Variants in GLIS3 observed in about 807,000 individuals in gnomAD.
GLIS3 encodes the protein GLIS family zinc finger 3.
Under a neutral mutation model 78.6 loss-of-function variants are expected in GLIS3, and 53 were observed. The observed-to-expected ratio is 0.67, with a 90% CI of 0.54 to 0.85. The LOEUF (loss-of-function observed/expected upper bound fraction) is 0.85, where lower values mean the gene tolerates loss of function less well. Ranked by LOEUF, GLIS3 falls within the 40% of genes least tolerant of loss-of-function variation. GLIS3 has a pLI of 0.00. For synonymous variants in GLIS3, 684 were observed against 509.9 expected (o/e 1.34, Z -4.60); for missense variants, 1,703 against 1,231.1 (o/e 1.38, Z -5.74).
chr9:4,348,970 C>G (rs1045885142), upstream of GLIS3, among the ~76,000 whole-genome samples: 4 of 152,110 alleles, frequency 2.6e-5, no homozygotes, highest in African/African-American at 9.7e-5. Flanking sequence ...CATTTGTACT[C>G]AGCAAACATC....
intron 2 of GLIS3, among the ~76,000 whole-genome samples, chr9:4,250,892 G>C (rs1163430600): frequency 1.3e-5 from 2 of 152,164 alleles, no homozygotes; most frequent in African/African-American, 2.4e-5. Flanking sequence ...TCAGGAGCAG[G>C]TTGTTCAGTT....
At chr9:4,050,432 C>T (rs12352739) in intron 4 of GLIS3, among the ~76,000 whole-genome samples, 335 of 152,154 alleles carry the variant, frequency 2.2e-3, no homozygotes, top group African/African-American at 7.7e-3. Context: ...GAACATCACA[C>T]ACCAGGGCCT....
chr9:3,871,232 C>T (rs900443990), intron 8 of GLIS3, among the ~76,000 whole-genome samples: 3 of 152,160 alleles, frequency 2.0e-5, no homozygotes, highest in Non-Finnish European at 4.4e-5. Context: ...CAGCCTGCCT[C>T]CTGGTTGCTT....
intron 2 of GLIS3, among the ~76,000 whole-genome samples, chr9:4,130,619 G>A (rs1035592452): frequency 1.3e-5 from 2 of 152,218 alleles, no homozygotes; most frequent in Non-Finnish European, 2.9e-5. Flanking sequence ...GTAGGTGCAC[G>A]AAATGCAAGA....
At chr9:4,064,556 G>A (rs934514879) in intron 4 of GLIS3, among the ~76,000 whole-genome samples, 10 of 152,078 alleles carry the variant, frequency 6.6e-5, no homozygotes, top group Admixed American at 6.6e-5. Context: ...TCCCAAGGCC[G>A]AGGCAGGCAG....
In GLIS3 at chr9:4,159,030, G is replaced by GAAA. The variant is rs141412126; in HGVS notation, c.389-33090_389-33089insTTT. Among the ~76,000 whole-genome samples, 343 of 79,068 alleles carry GAAA rather than the reference G, an allele frequency of 4.3e-3. 78 individuals carry two copies. Among genetic ancestry groups the GAAA allele is most frequent in the East Asian group, 0.028 (41 of 1,452 alleles). 51.9% of individuals were successfully genotyped at this position (79,068 alleles called of 152,430 possible). On this transcript the variant is annotated intron_variant, in intron 2 of 10. Coordinates refer to ENST00000381971, the MANE Select transcript of GLIS3 (RefSeq NM_001042413.2). ...GCTTGGTATGCTAGAGAAAGGAGAA[G>GAAA]AAGAAAAAAAAAAAAAAAAGCCAGG... is the stretch of plus-strand genomic sequence containing the variant.
chr9:4,206,827 T>C (rs932876545), intron 2 of GLIS3, among the ~76,000 whole-genome samples: 3 of 152,242 alleles, frequency 2.0e-5, no homozygotes, highest in African/African-American at 7.2e-5. Flanking sequence ...CTGTCAAATC[T>C]GAGTACAACT....
intron 8 of GLIS3, among the ~76,000 whole-genome samples, chr9:3,864,034 GGA>G (rs1563790025): frequency 1.3e-5 from 2 of 152,058 alleles, no homozygotes. Context: ...TCTGACATGG[GGA>G]GAGAGGGAAG....
At chr9:4,074,478 C>G (rs74929824) in intron 4 of GLIS3, among the ~76,000 whole-genome samples, 4,231 of 152,284 alleles carry the variant, frequency 0.028, 188 homozygotes, top group African/African-American at 0.097. Flanking sequence ...AAATTTCCAT[C>G]CCGGTTCTCC....
the GLIS3 span, among the ~76,000 whole-genome samples, chr9:4,378,356 T>G: frequency 6.6e-6 from 1 of 152,176 alleles, no homozygotes; most frequent in African/African-American, 2.4e-5. Context: ...TTATCAGAAA[T>G]ATTTCAGATA....
At chr9:4,367,777 T>C in the GLIS3 span, among the ~76,000 whole-genome samples, 2 of 151,820 alleles carry the variant, frequency 1.3e-5, no homozygotes, top group South Asian at 2.1e-4. Flanking sequence ...AATTCTAGAA[T>C]GGAAAAAAAA....
chr9:4,194,226 T>G (rs1208342299), intron 2 of GLIS3, among the ~76,000 whole-genome samples: 2 of 151,888 alleles, frequency 1.3e-5, no homozygotes, highest in Non-Finnish European at 2.9e-5. Flanking sequence ...CCCAGCTAAT[T>G]TCTTTTGTAT....
intron 4 of GLIS3, among the ~76,000 whole-genome samples, chr9:4,064,174 G>A (rs964257461): frequency 9.9e-5 from 15 of 151,932 alleles, no homozygotes; most frequent in African/African-American, 3.6e-4. Context: ...ATTATGCTGA[G>A]AAAACCTATT....
At chr9:4,481,866 C>T in the GLIS3 span, among the ~76,000 whole-genome samples, 7 of 152,280 alleles carry the variant, frequency 4.6e-5, no homozygotes, top group Non-Finnish European at 8.8e-5. Flanking sequence ...TCTGGGTCTA[C>T]CCGCAGGGTG....
At chr9:4,338,897 A>C (rs558510251) in intron 2 of GLIS3, among the ~76,000 whole-genome samples, 43 of 152,218 alleles carry the variant, frequency 2.8e-4, no homozygotes, top group African/African-American at 1.0e-3. Flanking sequence ...AAGCTCCCCA[A>C]GTGATTCCAT....
intron 4 of GLIS3, among the ~76,000 whole-genome samples, chr9:4,026,206 A>C (rs895163522): frequency 6.6e-6 from 1 of 152,220 alleles, no homozygotes; most frequent in African/African-American, 2.4e-5. Context: ...TCTCAGTTTT[A>C]GTTGAAGAGA....
the GLIS3 span, among the ~76,000 whole-genome samples, chr9:4,398,211 G>T: frequency 7.2e-6 from 1 of 138,430 alleles, no homozygotes; most frequent in South Asian, 2.3e-4. Flanking sequence ...CAAAATTGCT[G>T]AGGCATATTT....
At chr9:4,256,878 G>C (rs1364857786) in intron 2 of GLIS3, among the ~76,000 whole-genome samples, 2 of 152,184 alleles carry the variant, frequency 1.3e-5, no homozygotes, top group Non-Finnish European at 2.9e-5. Context: ...TCACTGTCTT[G>C]TAAAGATATC....
At chr9:4,360,520 C>T in the GLIS3 span, among the ~76,000 whole-genome samples, 12 of 152,120 alleles carry the variant, frequency 7.9e-5, no homozygotes, top group Non-Finnish European at 2.9e-5. Flanking sequence ...GCATTTACTT[C>T]GCCACTTTAG....
Sources: allele counts gnomAD v4.1 joint callset (sites outside exome capture counted in the v4.1 genomes callset), GRCh38; gene constraint gnomAD v4.1.1; transcripts MANE v1.5; gene names NCBI Gene and HGNC (gene_info 2026-07-23, HGNC 2026-07-21).